The following PRKCB variants were observed in gnomAD, a reference collection of about 807,000 sequenced individuals.
PRKCB encodes the protein protein kinase C beta type.
Under a neutral mutation model 81.5 loss-of-function variants are expected in PRKCB, and 13 were observed. The ratio of observed to expected loss-of-function variants is 0.16; its 90% CI spans 0.10 to 0.25. The LOEUF is 0.25. Ranked by LOEUF, PRKCB falls within the 10% of genes least tolerant of loss-of-function variation. The probability of loss-of-function intolerance (pLI) is 1.00; values close to 1 mark genes in which losing one functional copy is unlikely to be tolerated. For missense variants in PRKCB, 509 were observed against 875.7 expected (o/e 0.58, Z 5.29); for synonymous variants, 335 against 321.4 (o/e 1.04, Z -0.45).
intron 5 of PRKCB, among the ~76,000 whole-genome samples, chr16:24,074,028 G>A (rs1028814736): frequency 6.6e-6 from 1 of 152,062 alleles, no homozygotes; most frequent in African/African-American, 2.4e-5. Flanking sequence ...CCAGCTGCTG[G>A]GGAGGCTGAG....
chr16:23,920,886 G>C (rs1468808753), intron 2 of PRKCB, among the ~76,000 whole-genome samples: 1 of 152,216 alleles, frequency 6.6e-6, no homozygotes, highest in Admixed American at 6.5e-5. Flanking sequence ...CTGAGACCAG[G>C]TAATTTATAA....
intron 7 of PRKCB, among the ~76,000 whole-genome samples, chr16:24,110,761 C>T (rs1966666498): frequency 6.6e-6 from 1 of 152,040 alleles, no homozygotes; most frequent in Non-Finnish European, 1.5e-5. Context: ...CTCAGGTGAT[C>T]CTCCTTCCTC....
chr16:24,199,787 A>T (rs1967929590), intron 16 of PRKCB, among the ~76,000 whole-genome samples: 1 of 152,198 alleles, frequency 6.6e-6, no homozygotes, highest in Non-Finnish European at 1.5e-5. Flanking sequence ...AGCTTGGAAA[A>T]GTTAAGGCAT....
chr16:24,100,802 T>C (rs1567374318), intron 7 of PRKCB, among the ~76,000 whole-genome samples: 2 of 152,184 alleles, frequency 1.3e-5, no homozygotes, highest in South Asian at 4.1e-4. Flanking sequence ...ATTACTCAAA[T>C]CAGCCTCCTC....
At chr16:24,064,994 GTA>G (rs201976502) in intron 5 of PRKCB, among the ~76,000 whole-genome samples, 4 of 145,850 alleles carry the variant, frequency 2.7e-5, no homozygotes, top group Admixed American at 6.9e-5. Flanking sequence ...TGGTGTGTGT[GTA>G]TATATATATA....
intron 2 of PRKCB, among the ~76,000 whole-genome samples, chr16:23,936,179 C>T (rs1364618423): frequency 1.3e-5 from 2 of 151,830 alleles, no homozygotes; most frequent in Non-Finnish European, 2.9e-5. Flanking sequence ...TACTGCAACC[C>T]CTATTCTCCA....
chr16:24,043,944 G>A (rs776122139), intron 5 of PRKCB, among the ~76,000 whole-genome samples: 1 of 152,078 alleles, frequency 6.6e-6, no homozygotes, highest in Non-Finnish European at 1.5e-5. Context: ...AAACACCAGC[G>A]TGCAAAGAAA....
At chr16:23,932,338 G>C (rs1963989987) in intron 2 of PRKCB, among the ~76,000 whole-genome samples, 1 of 152,158 alleles carries the variant, frequency 6.6e-6, no homozygotes, top group Non-Finnish European at 1.5e-5. Flanking sequence ...TTGCTTTTTT[G>C]TTGTTCTTAT....
intron 2 of PRKCB, among the ~76,000 whole-genome samples, chr16:23,888,954 T>C (rs548278198): frequency 6.6e-6 from 1 of 151,834 alleles, no homozygotes; most frequent in South Asian, 2.1e-4. Context: ...ATGGGGGGAG[T>C]ATGAGACCTG....
chr16:24,123,863 T>C lies in PRKCB; in HGVS notation c.947T>C (p.Val316Ala). The change falls in exon 9 of 17, where the codon GTC becomes GCC. Residue 316 changes from valine to alanine, a missense_variant. By Grantham distance (64) the Val-to-Ala change is moderately conservative. This residue lies in a region of PRKCB where 80 missense variants were observed against 89.4 expected (regional missense o/e 0.90). Transcript: ENST00000643927. ...ERAKISQGTK[V>A]PEEKTTNTVS... ...GCCAAGATCAGTCAGGGAACCAAGGTCCCGGAAGAAAAGACGACCAACACT... is the reference window on the plus strand; with the variant it reads ...GCCAAGATCAGTCAGGGAACCAAGGCCCCGGAAGAAAAGACGACCAACACT... 3 of 1,614,008 alleles carry C rather than the reference T, an allele frequency of 1.9e-6. No homozygotes were observed. The highest frequency in any genetic ancestry group is 2.5e-6 in the Non-Finnish European group (3 of 1,179,974).
At chr16:23,850,323 T>G (rs991293058) in intron 2 of PRKCB, among the ~76,000 whole-genome samples, 3 of 152,062 alleles carry the variant, frequency 2.0e-5, no homozygotes, top group Admixed American at 6.6e-5. Flanking sequence ...TCAGTTGCTT[T>G]AAATATATGC....
At chr16:24,184,489 G>A (rs572951253) in intron 13 of PRKCB, among the ~76,000 whole-genome samples, 43 of 151,716 alleles carry the variant, frequency 2.8e-4, no homozygotes, top group South Asian at 1.0e-3. Context: ...AAAAAAAATC[G>A]TCCAAATACT....
rs1260006818 is a variant in PRKCB at position 24,220,297 on chromosome 16, GT to G, written c.*5484del. 5.8e-6 allele frequency: 4 copies of G among 689,910 alleles called. No homozygotes were observed. The highest frequency in any genetic ancestry group is 5.5e-5 in the African/African-American group (3 of 55,014). 42.7% of individuals were successfully genotyped at this position (689,910 alleles called of 1,614,324 possible). A position where few individuals can be genotyped will look rare whatever the true frequency, so the allele number is the denominator to read the frequency against. ...TGTTTTCTACATTTGAAAATGTTTA[GT>G]TTAGAATAAGCGCATTATCCAATTA... On this transcript the variant is annotated 3_prime_UTR_variant, in exon 17 of 17. Transcript: ENST00000643927.
intron 5 of PRKCB, among the ~76,000 whole-genome samples, chr16:24,065,405 G>T (rs1395329787): frequency 1.3e-5 from 2 of 151,722 alleles, no homozygotes; most frequent in African/African-American, 4.8e-5. Context: ...ATTGCAATAT[G>T]CATCTTTGGA....
chr16:23,843,705 A>T (rs77492786), intron 2 of PRKCB, among the ~76,000 whole-genome samples: 441 of 150,316 alleles, frequency 2.9e-3, no homozygotes, highest in African/African-American at 0.01. Flanking sequence ...TATAATTTTT[A>T]AAAAATATAT....
At chr16:24,018,649 G>A (rs952582439) in intron 3 of PRKCB, among the ~76,000 whole-genome samples, 5 of 152,192 alleles carry the variant, frequency 3.3e-5, no homozygotes, top group South Asian at 2.1e-4. Flanking sequence ...TACAATAGAA[G>A]CTTATCCTTC....
At chr16:23,967,721 C>T (rs1385955191) in intron 2 of PRKCB, among the ~76,000 whole-genome samples, 2 of 152,034 alleles carry the variant, frequency 1.3e-5, no homozygotes, top group African/African-American at 2.4e-5. Context: ...GGCACAACCC[C>T]GGCCCACTGC....
rs1239033108 is a variant in PRKCB at position 24,193,459 on chromosome 16, A to ATAAATAAAT, written c.1863+2230_1863+2238dup. Among the ~76,000 whole-genome samples, 6 of 87,408 alleles carry ATAAATAAAT rather than the reference A, an allele frequency of 6.9e-5. 1 individual carries two copies. Among genetic ancestry groups the ATAAATAAAT allele is most frequent in the African/African-American group, 2.7e-4 (6 of 22,538 alleles). The allele number at this position is 87,408 out of a possible 152,430, so 57.3% of individuals were successfully genotyped here. A position where few individuals can be genotyped will look rare whatever the true frequency, so the allele number is the denominator to read the frequency against. On this transcript the variant is annotated intron_variant, in intron 16 of 16. Transcript: ENST00000643927. ...GACTCCATCTCAAATAAATAAATAA[A>ATAAATAAAT]TAAATAAATAAATAAATAAATAAAT...
intron 2 of PRKCB, among the ~76,000 whole-genome samples, chr16:23,888,958 A>G (rs186522807): frequency 2.6e-4 from 40 of 152,304 alleles, no homozygotes; most frequent in Non-Finnish European, 4.6e-4. Context: ...GGGGAGTATG[A>G]GACCTGCAAG....
Sources: gnomAD v4.1 joint callset for allele counts (sites outside exome capture counted in the v4.1 genomes callset) on GRCh38, gnomAD v4.1.1 for gene constraint, gnomAD v4.1.1 regional missense constraint, MANE v1.5 for transcripts, NCBI Gene and HGNC (gene_info 2026-07-23, HGNC 2026-07-21) for gene names.